Variants in FAM13B observed in about 807,000 individuals in gnomAD.
FAM13B encodes the protein family with sequence similarity 13 member B, also known as protein FAM13B.
In FAM13B, 60 loss-of-function variants were observed where a neutral mutation model predicts 117.3. The ratio of observed to expected loss-of-function variants is 0.51; its 90% CI spans 0.42 to 0.63. The LOEUF (loss-of-function observed/expected upper bound fraction) is 0.63. Ranked by LOEUF, FAM13B falls within the 30% of genes least tolerant of loss-of-function variation. The pLI is 0.00. For synonymous variants in FAM13B, 332 were observed against 356.1 expected (o/e 0.93, Z 0.76); for missense variants, 972 against 1,091.9 (o/e 0.89, Z 1.55).
At chr5:137,950,069 A>G (rs1764533228) in intron 17 of FAM13B, among the ~76,000 whole-genome samples, 1 of 152,240 alleles carries the variant, frequency 6.6e-6, no homozygotes, top group Non-Finnish European at 1.5e-5. Context: ...TGGGAGATAC[A>G]GAAGAAAACA....
rs191823327 is a variant in FAM13B at position 138,027,355 on chromosome 5, C to T, written c.-203+5427G>A. ...CAAAGTCAGAAAAGCCAGCAGGAAG[C>T]TGGGTCTCAATAAAGATGATAGAGA... On this transcript the variant is annotated intron_variant, in intron 1 of 23. Coordinates refer to ENST00000689681, the MANE Select transcript of FAM13B (RefSeq NM_001385994.1). Among the ~76,000 whole-genome samples the T allele has an allele frequency of 3.9e-5, 6 of 152,300 alleles. No individual in the cohort carries two copies. In the East Asian group the frequency reaches 1.2e-3, roughly 29 times the overall value.
intron 7 of FAM13B, among the ~76,000 whole-genome samples, chr5:138,003,087 GAC>G (rs1274877726): frequency 1.3e-5 from 2 of 151,928 alleles, no homozygotes; most frequent in Admixed American, 6.6e-5. Flanking sequence ...TTTCATAGAG[GAC>G]ACACCTATAA....
At chr5:138,032,116 A>AGTT (rs763594020) in intron 1 of FAM13B, among the ~76,000 whole-genome samples, 3 of 152,242 alleles carry the variant, frequency 2.0e-5, no homozygotes, top group Non-Finnish European at 2.9e-5. Context: ...AGGGCTTAAC[A>AGTT]GTTTCCCACT....
At chr5:138,046,089 G>T (rs575464322) in intron 1 of FAM13B, among the ~76,000 whole-genome samples, 2 of 152,166 alleles carry the variant, frequency 1.3e-5, no homozygotes, top group African/African-American at 2.4e-5. Flanking sequence ...TGCTGTTCTC[G>T]TGATAGTGAA....
At chr5:137,979,594 C>T (rs564938216) in intron 10 of FAM13B, among the ~76,000 whole-genome samples, 26 of 152,208 alleles carry the variant, frequency 1.7e-4, no homozygotes, top group African/African-American at 5.5e-4. Context: ...CCCACAATAC[C>T]CTGAGTTCTA....
intron 1 of FAM13B, among the ~76,000 whole-genome samples, chr5:138,025,093 C>G (rs6885080): frequency 0.014 from 2,129 of 151,502 alleles, 39 homozygotes; most frequent in African/African-American, 0.047. Flanking sequence ...AGGCTGGTAT[C>G]GAACTCCTGA....
chr5:138,020,210 G>A (rs535815011), intron 2 of FAM13B, among the ~76,000 whole-genome samples: 21 of 151,896 alleles, frequency 1.4e-4, no homozygotes, highest in South Asian at 1.2e-3. Context: ...ACAGGTGTGC[G>A]CCACCACGCC....
chr5:137,938,109 C>A lies in FAM13B; in HGVS notation c.*2116G>T, dbSNP rs1270781498. ...TGTACCAAAGTAAAACTATCACCAA[C>A]TGCCTAATTCTACCAGCTACTGCTC... On this transcript the variant is annotated 3_prime_UTR_variant, in exon 24 of 24. Transcript: ENST00000689681. 1 of 152,342 alleles carries A rather than the reference C, an allele frequency of 6.6e-6. No individual in the cohort carries two copies. The highest frequency in any genetic ancestry group is 1.5e-5 in the Non-Finnish European group (1 of 68,042). 9.4% of individuals were successfully genotyped at this position (152,342 alleles called of 1,614,324 possible).
chr5:137,976,406 T>C (rs918246003), intron 10 of FAM13B, among the ~76,000 whole-genome samples: 7 of 152,232 alleles, frequency 4.6e-5, no homozygotes, highest in Non-Finnish European at 8.8e-5. Context: ...TATCACTAAA[T>C]GCAATAAATT....
At chr5:138,011,564 C>A (rs1447049202) in intron 5 of FAM13B, among the ~76,000 whole-genome samples, 1 of 152,010 alleles carries the variant, frequency 6.6e-6, no homozygotes, top group African/African-American at 2.4e-5. Flanking sequence ...GGACTACAGG[C>A]ACCCGCCACC....
chr5:138,018,255 G>C (rs778036964), intron 4 of FAM13B, 47 bp downstream of exon 4: 1 of 1,424,056 alleles, frequency 7.0e-7, no homozygotes, highest in East Asian at 2.3e-5. Flanking sequence ...GTAAAGACTA[G>C]GAAATTAACA....
chr5:137,966,156 G>A (rs1038341352), intron 10 of FAM13B, among the ~76,000 whole-genome samples: 2 of 151,396 alleles, frequency 1.3e-5, no homozygotes, highest in Admixed American at 1.3e-4. Context: ...CAAAATATAG[G>A]CCGGGTGTGG....
chr5:137,956,396 G>A (rs918994836), intron 14 of FAM13B, 81 bp downstream of exon 14: 7 of 928,720 alleles, frequency 7.5e-6, no homozygotes, highest in Non-Finnish European at 9.6e-6. Context: ...TATGGGGACA[G>A]CAGGAGAAGG....
chr5:137,981,020 T>A (rs1312861839), intron 10 of FAM13B, among the ~76,000 whole-genome samples: 1 of 150,190 alleles, frequency 6.7e-6, no homozygotes, highest in African/African-American at 2.5e-5. Context: ...CAGGTGATCT[T>A]CCCACCTCAG....
intron 6 of FAM13B, among the ~76,000 whole-genome samples, chr5:138,009,663 G>A (rs1004516138): frequency 1.3e-5 from 2 of 152,006 alleles, no homozygotes; most frequent in East Asian, 3.9e-4. Flanking sequence ...AAATTAGCCA[G>A]GCATGGTGGC....
chr5:137,949,123 T>C lies in FAM13B; in HGVS notation c.1992A>G (p.Thr664=). Residue 664 remains threonine (T), a synonymous_variant, in exon 18 of 24, where the codon ACA becomes ACG. Transcript: ENST00000689681. ...GAGAAGAGCCAAAGCTTTTTGGAAG[T>C]GTGTTACTACGTGGACGTGTCTGAG... ...FVPQTRPRSN[T]LPKSFGSSLD... 1 of 1,614,170 alleles carries C rather than the reference T, an allele frequency of 6.2e-7. No homozygotes were observed. The highest frequency in any genetic ancestry group is 8.5e-7 in the Non-Finnish European group (1 of 1,180,042).
At chr5:137,951,348 T>C (rs1347602911) in intron 17 of FAM13B, among the ~76,000 whole-genome samples, 1 of 151,988 alleles carries the variant, frequency 6.6e-6, no homozygotes, top group African/African-American at 2.4e-5. Flanking sequence ...AAGTATTTAG[T>C]ACCTCAGAAA....
At chr5:137,992,098 G>A (rs1778739685) in intron 7 of FAM13B, among the ~76,000 whole-genome samples, 1 of 151,836 alleles carries the variant, frequency 6.6e-6, no homozygotes, top group African/African-American at 2.4e-5. Context: ...TTTTTGTAGA[G>A]GCAGGGTTTC....
At chr5:137,977,292 G>A (rs140251952) in intron 10 of FAM13B, among the ~76,000 whole-genome samples, 58 of 152,262 alleles carry the variant, frequency 3.8e-4, no homozygotes, top group African/African-American at 1.3e-3. Flanking sequence ...AACTTCATCA[G>A]CAATTTTAAT....
Sources: gnomAD v4.1 joint callset for allele counts (sites outside exome capture counted in the v4.1 genomes callset) on GRCh38, gnomAD v4.1.1 for gene constraint, MANE v1.5 for transcripts, NCBI Gene and HGNC (gene_info 2026-07-23, HGNC 2026-07-21) for gene names.